The following FSTL4 variants were observed in gnomAD, a reference collection of about 807,000 sequenced individuals.
FSTL4 encodes the protein follistatin like 4.
In FSTL4, 28 loss-of-function variants were observed where a neutral mutation model predicts 78.2. The ratio of observed to expected loss-of-function variants is 0.36; its 90% CI spans 0.27 to 0.49. The LOEUF is 0.49. FSTL4 is among the 20% of genes least tolerant of loss of function. The pLI is 0.98. For missense variants in FSTL4, 922 were observed against 1,084.9 expected (o/e 0.85, Z 2.11); for synonymous variants, 422 against 440.5 (o/e 0.96, Z 0.53).
intron 3 of FSTL4, among the ~76,000 whole-genome samples, chr5:133,421,131 G>A (rs186978488): frequency 2.0e-5 from 3 of 152,350 alleles, no homozygotes; most frequent in African/African-American, 7.2e-5. Context: ...CAGGGGCCTG[G>A]GTGTGGGTAT....
chr5:133,451,654 C>G (rs1289552571), intron 3 of FSTL4, among the ~76,000 whole-genome samples: 2 of 152,170 alleles, frequency 1.3e-5, no homozygotes, highest in Non-Finnish European at 2.9e-5. Context: ...GCCACCACCT[C>G]TGTCTGTACT....
intron 4 of FSTL4, among the ~76,000 whole-genome samples, chr5:133,336,999 G>A (rs926201437): frequency 6.6e-6 from 1 of 152,198 alleles, no homozygotes; most frequent in Admixed American, 6.5e-5. Flanking sequence ...AATGATGAAT[G>A]ATTTGCCCTA....
At chr5:133,404,432 C>A (rs185138583) in intron 3 of FSTL4, among the ~76,000 whole-genome samples, 90 of 152,308 alleles carry the variant, frequency 5.9e-4, no homozygotes, top group Middle Eastern at 6.8e-3. Flanking sequence ...AATTTATAGT[C>A]ATCAAGAAAG....
At chr5:133,597,726 C>A (rs1450754465) in intron 2 of FSTL4, among the ~76,000 whole-genome samples, 1 of 152,122 alleles carries the variant, frequency 6.6e-6, no homozygotes, top group Non-Finnish European at 1.5e-5. Flanking sequence ...CAGTGACTTT[C>A]CCTGTTCAAG....
At chr5:133,284,373 A>C (rs911851746) in intron 6 of FSTL4, among the ~76,000 whole-genome samples, 1 of 152,168 alleles carries the variant, frequency 6.6e-6, no homozygotes, top group Admixed American at 6.5e-5. Context: ...CTATCCTTCA[A>C]TTGTTGGAGT....
chr5:133,753,124 T>C, the FSTL4 span, among the ~76,000 whole-genome samples: 2 of 152,174 alleles, frequency 1.3e-5, no homozygotes, highest in Admixed American at 1.3e-4. Context: ...CTTTTTGTGG[T>C]CAAGACCAAA....
intron 4 of FSTL4, 118 bp downstream of exon 4, chr5:133,400,620 T>C (rs1311761365): frequency 7.5e-6 from 7 of 934,174 alleles, no homozygotes; most frequent in Non-Finnish European, 1.1e-5. Flanking sequence ...CACCAGTCTT[T>C]GTCTTTATTT....
chr5:133,355,143 T>G (rs952439024), intron 4 of FSTL4, among the ~76,000 whole-genome samples: 3 of 152,230 alleles, frequency 2.0e-5, no homozygotes, highest in Non-Finnish European at 4.4e-5. Flanking sequence ...AGAATACATA[T>G]TCACAGGTGC....
At chr5:133,231,020 G>A (rs892480618) in intron 8 of FSTL4, among the ~76,000 whole-genome samples, 2 of 151,850 alleles carry the variant, frequency 1.3e-5, no homozygotes, top group Non-Finnish European at 1.5e-5. Flanking sequence ...CTGGGCCCAC[G>A]TTGCCACTTC....
chr5:133,403,932 C>T (rs529133229), intron 3 of FSTL4, among the ~76,000 whole-genome samples: 4 of 152,298 alleles, frequency 2.6e-5, no homozygotes, highest in South Asian at 2.1e-4. Context: ...CAGGCACCTA[C>T]GTTTGCTTAA....
intron 3 of FSTL4, among the ~76,000 whole-genome samples, chr5:133,484,526 A>G (rs1758093518): frequency 6.6e-6 from 1 of 152,210 alleles, no homozygotes; most frequent in Admixed American, 6.5e-5. Context: ...AAAGAGAAAT[A>G]TGCTATTCTA....
chr5:133,682,875 G>C, the FSTL4 span, among the ~76,000 whole-genome samples: 1 of 152,146 alleles, frequency 6.6e-6, no homozygotes, highest in Non-Finnish European at 1.5e-5. Context: ...AGTGACCCCA[G>C]AGAAAACTAC....
chr5:133,753,643 T>C, the FSTL4 span, among the ~76,000 whole-genome samples: 11 of 152,012 alleles, frequency 7.2e-5, no homozygotes, highest in Non-Finnish European at 1.3e-4. Context: ...CCTGGACTTA[T>C]CCCTTCTCTC....
At chr5:133,562,238 T>C (rs1759929716) in intron 3 of FSTL4, among the ~76,000 whole-genome samples, 1 of 152,170 alleles carries the variant, frequency 6.6e-6, no homozygotes, top group Non-Finnish European at 1.5e-5. Context: ...ATCTGTTTCA[T>C]TGAAGACAGT....
At chr5:133,800,273 A>G in the FSTL4 span, among the ~76,000 whole-genome samples, 2 of 137,904 alleles carry the variant, frequency 1.5e-5, no homozygotes, top group Non-Finnish European at 3.2e-5. Flanking sequence ...CAGGGAGGGG[A>G]CAGGGAGGAA....
the FSTL4 span, among the ~76,000 whole-genome samples, chr5:133,648,007 C>T: frequency 3.3e-5 from 5 of 152,234 alleles, no homozygotes; most frequent in Admixed American, 6.5e-5. Flanking sequence ...TTTCCCTGCA[C>T]AAGCTCTCTT....
At chr5:133,701,509 A>ACGCCCCCC in the FSTL4 span, among the ~76,000 whole-genome samples, 1 of 132,622 alleles carries the variant, frequency 7.5e-6, no homozygotes, top group Non-Finnish European at 1.6e-5. Flanking sequence ...ACACACACAC[A>ACGCCCCCC]CCCCACAGGC....
At chr5:133,441,402 C>T (rs190337205) in intron 3 of FSTL4, among the ~76,000 whole-genome samples, 1 of 152,276 alleles carries the variant, frequency 6.6e-6, no homozygotes, top group Non-Finnish European at 1.5e-5. Flanking sequence ...GCAAAAGATG[C>T]CTTCAGTGTG....
intron 3 of FSTL4, among the ~76,000 whole-genome samples, chr5:133,404,926 T>C (rs1756322305): frequency 6.6e-6 from 1 of 152,046 alleles, no homozygotes; most frequent in Non-Finnish European, 1.5e-5. Context: ...TAACGAGTGC[T>C]CCCTTCTCAG....
Sources: allele counts gnomAD v4.1 joint callset (sites outside exome capture counted in the v4.1 genomes callset), GRCh38; gene constraint gnomAD v4.1.1; transcripts MANE v1.5; gene names NCBI Gene and HGNC (gene_info 2026-07-23, HGNC 2026-07-21).